RBPMS: variants seen among roughly 807,000 people sequenced by gnomAD.
RBPMS encodes the protein RNA binding protein, mRNA processing factor.
In RBPMS, 7 loss-of-function variants were observed where a neutral mutation model predicts 26.8. The ratio of observed to expected loss-of-function variants is 0.26; its 90% confidence interval spans 0.15 to 0.49. The LOEUF (loss-of-function observed/expected upper bound fraction) is 0.49, where lower values mean the gene tolerates loss of function less well. RBPMS is among the 20% of genes least tolerant of loss of function. RBPMS has a pLI of 0.98. For missense variants in RBPMS, 186 were observed against 250.0 expected (o/e 0.74, Z 1.73); for synonymous variants, 96 against 93.3 (o/e 1.03, Z -0.17).
intron 1 of RBPMS, among the ~76,000 whole-genome samples, chr8:30,469,750 C>T (rs550204956): frequency 6.6e-6 from 1 of 152,362 alleles, no homozygotes; most frequent in African/African-American, 2.4e-5. Context: ...ATGCTTTGAC[C>T]TGCTGCAAAG....
intron 1 of RBPMS, among the ~76,000 whole-genome samples, chr8:30,411,375 T>G (rs903854653): frequency 6.6e-6 from 1 of 151,970 alleles, no homozygotes; most frequent in Non-Finnish European, 1.5e-5. Flanking sequence ...TTGAGAAATT[T>G]CCCTCTTGGC....
intron 1 of RBPMS, among the ~76,000 whole-genome samples, chr8:30,390,630 A>C (rs1011258133): frequency 6.6e-6 from 1 of 152,136 alleles, no homozygotes. Flanking sequence ...TTTTCAGCCT[A>C]CATTTTTGCA....
intron 1 of RBPMS, among the ~76,000 whole-genome samples, chr8:30,434,219 T>C (rs1049809176): frequency 2.0e-5 from 3 of 152,178 alleles, no homozygotes; most frequent in Non-Finnish European, 4.4e-5. Flanking sequence ...CTAGATAGTC[T>C]CTAAGCAACC....
intron 1 of RBPMS, among the ~76,000 whole-genome samples, chr8:30,416,565 C>T (rs1487379931): frequency 6.6e-6 from 1 of 152,206 alleles, no homozygotes; most frequent in Non-Finnish European, 1.5e-5. Context: ...CCACTGCAAG[C>T]TCCGTCTCCT....
chr8:30,568,082 T>A (rs1403780222), intron 8 of RBPMS, among the ~76,000 whole-genome samples: 5 of 152,232 alleles, frequency 3.3e-5, no homozygotes, highest in Admixed American at 6.5e-5. Flanking sequence ...CCGTGAACTT[T>A]TTCAATGACA....
At chr8:30,386,472 T>C (rs926260715) in intron 1 of RBPMS, among the ~76,000 whole-genome samples, 1 of 152,236 alleles carries the variant, frequency 6.6e-6, no homozygotes, top group African/African-American at 2.4e-5. Context: ...CAAAAATTGC[T>C]TTTTCACCCG....
At chr8:30,472,865 C>T (rs2150821629) in intron 1 of RBPMS, among the ~76,000 whole-genome samples, 1 of 152,228 alleles carries the variant, frequency 6.6e-6, no homozygotes, top group Admixed American at 6.5e-5. Context: ...CTCTTGAGCT[C>T]AGGAGTTTGA....
At chr8:30,463,349 G>C (rs1816152351) in intron 1 of RBPMS, among the ~76,000 whole-genome samples, 2 of 152,200 alleles carry the variant, frequency 1.3e-5, no homozygotes, top group Non-Finnish European at 2.9e-5. Flanking sequence ...ATTTTAGCTG[G>C]GGCTGCGGTC....
intron 5 of RBPMS, among the ~76,000 whole-genome samples, chr8:30,515,581 T>C (rs184413425): frequency 6.6e-6 from 1 of 152,354 alleles, no homozygotes. Flanking sequence ...TGCAAATATG[T>C]AGATCTAAAG....
chr8:30,470,062 T>C (rs1816915693), intron 1 of RBPMS, among the ~76,000 whole-genome samples: 1 of 151,860 alleles, frequency 6.6e-6, no homozygotes, highest in Non-Finnish European at 1.5e-5. Flanking sequence ...GTAATAAGAG[T>C]AGAGAAACTA....
chr8:30,518,199 A>G (rs996767105), intron 5 of RBPMS, among the ~76,000 whole-genome samples: 1 of 152,164 alleles, frequency 6.6e-6, no homozygotes, highest in Non-Finnish European at 1.5e-5. Context: ...TTTTGTTTAA[A>G]ACGACTTACA....
intron 6 of RBPMS, chr8:30,545,038 A>T: frequency 7.1e-7 from 1 of 1,411,254 alleles, no homozygotes; most frequent in Non-Finnish European, 9.2e-7. Flanking sequence ...CTGTGTGTTG[A>T]GAGTTTTCCA....
At chr8:30,549,702 T>C (rs1325679173) in intron 6 of RBPMS, 2 of 701,608 alleles carry the variant, frequency 2.9e-6, no homozygotes, top group Non-Finnish European at 5.1e-6. Flanking sequence ...TCTCCTTTCC[T>C]TTCCCAGGCC....
chr8:30,385,041 G>T lies in RBPMS; in HGVS notation c.-52G>T. 7.0e-7 allele frequency: 1 copy of T among 1,429,900 alleles called. No individual in the cohort carries two copies. Among genetic ancestry groups the T allele is most frequent in the Non-Finnish European group, 9.3e-7 (1 of 1,073,350 alleles). 88.6% of individuals were successfully genotyped at this position (1,429,900 alleles called of 1,614,324 possible). A position where few individuals can be genotyped will look rare whatever the true frequency, so the allele number is the denominator to read the frequency against. On this transcript the variant is annotated 5_prime_UTR_variant, in exon 1 of 9. Transcript: ENST00000397323. ...GGCTCCAGTGGGCTAGCGCGCCCTC[G>T]CCCAGCCCCGCGCCCCAGCCCTGCC...
intron 5 of RBPMS, among the ~76,000 whole-genome samples, chr8:30,522,123 A>T (rs1354482254): frequency 1.3e-5 from 2 of 152,174 alleles, no homozygotes; most frequent in Non-Finnish European, 2.9e-5. Flanking sequence ...ACCATTCCAC[A>T]GTGTACACGT....
At chr8:30,444,843 G>A (rs183788260) in intron 1 of RBPMS, 2 of 152,288 alleles carry the variant, frequency 1.3e-5, no homozygotes, top group East Asian at 3.8e-4. Context: ...CTTTTGTTGT[G>A]ACTTCAGCCT....
chr8:30,548,532 A>G (rs1826044453), intron 6 of RBPMS, among the ~76,000 whole-genome samples: 1 of 152,274 alleles, frequency 6.6e-6, no homozygotes, highest in African/African-American at 2.4e-5. Flanking sequence ...GCTGCTGTAC[A>G]GCTTACCTGG....
intron 1 of RBPMS, among the ~76,000 whole-genome samples, chr8:30,472,839 G>A (rs1384313972): frequency 6.6e-6 from 1 of 152,138 alleles, no homozygotes; most frequent in Admixed American, 6.5e-5. Flanking sequence ...ACTGTGGGAG[G>A]CCGAGATGGG....
chr8:30,486,263 C>G (rs1418561116), intron 4 of RBPMS, among the ~76,000 whole-genome samples: 1 of 151,936 alleles, frequency 6.6e-6, no homozygotes, highest in Non-Finnish European at 1.5e-5. Flanking sequence ...TCACTTGAAC[C>G]TAGGAGGCGG....
Sources: allele counts gnomAD v4.1 joint callset (sites outside exome capture counted in the v4.1 genomes callset), GRCh38; gene constraint gnomAD v4.1.1; transcripts MANE v1.5; gene names NCBI Gene and HGNC (gene_info 2026-07-23, HGNC 2026-07-21).